TTC7A: variants seen among roughly 807,000 people sequenced by gnomAD.
TTC7A encodes tetratricopeptide repeat protein 7A.
A neutral mutation model predicts 103.7 loss-of-function variants in TTC7A; 110 were observed. That is an observed-to-expected ratio of 1.06 (90% confidence interval 0.91 to 1.24). The LOEUF (loss-of-function observed/expected upper bound fraction) is 1.24, where lower values mean the gene tolerates loss of function less well. Ranked by LOEUF, TTC7A falls within the 50% of genes most tolerant of loss-of-function variation. TTC7A has a pLI of 0.00. For missense variants in TTC7A, 1,340 were observed against 1,116.3 expected, an observed-to-expected ratio of 1.20 and a Z score of -2.86; for synonymous variants, 521 against 467.9, an observed-to-expected ratio of 1.11 and a Z score of -1.47.
chr2:46,982,291 C>T (rs1192278202), intron 5 of TTC7A, among the ~76,000 whole-genome samples: 1 of 152,004 alleles, frequency 6.6e-6, no homozygotes, highest in Admixed American at 6.6e-5. Flanking sequence ...GGAGGATCAT[C>T]TGAGCCTGGC....
At chr2:47,017,916 A>C (rs1558583053) in intron 11 of TTC7A, among the ~76,000 whole-genome samples, 3 of 139,536 alleles carry the variant, frequency 2.1e-5, no homozygotes. Flanking sequence ...TTAATTGTAT[A>C]ATACATATAC....
At chr2:47,011,277 C>A in intron 10 of TTC7A, 54 bp from the exon 11 acceptor site, 2 of 1,527,104 alleles carry the variant, frequency 1.3e-6, no homozygotes, top group South Asian at 1.2e-5. Flanking sequence ...CCACTGTGGG[C>A]CCTTGAGATC....
chr2:47,001,816 A>C (rs904278319), intron 8 of TTC7A, among the ~76,000 whole-genome samples: 1 of 148,458 alleles, frequency 6.7e-6, no homozygotes. Flanking sequence ...CCGAGACCAC[A>C]CCACTGCTCT....
chr2:47,034,666 G>C (rs1308985662), intron 15 of TTC7A, among the ~76,000 whole-genome samples: 2 of 152,174 alleles, frequency 1.3e-5, no homozygotes, highest in East Asian at 3.9e-4. Flanking sequence ...GGTTTTGAAA[G>C]CCCAGGCCAT....
intron 3 of TTC7A, among the ~76,000 whole-genome samples, chr2:46,967,883 C>T (rs182305444): frequency 2.6e-5 from 4 of 152,164 alleles, no homozygotes; most frequent in East Asian, 1.9e-4. Flanking sequence ...GGTTTCCCCC[C>T]GAGAGCTGAA....
intron 2 of TTC7A, among the ~76,000 whole-genome samples, chr2:46,956,265 T>C (rs1436077138): frequency 2.6e-5 from 4 of 152,148 alleles, no homozygotes; most frequent in Non-Finnish European, 5.9e-5. Flanking sequence ...CCATTTCTGA[T>C]AGGAAGAGGA....
chr2:46,934,811 T>TTTTTTC (rs1669890291), intron 2 of TTC7A, among the ~76,000 whole-genome samples: 1 of 132,402 alleles, frequency 7.6e-6, no homozygotes, highest in African/African-American at 2.9e-5. Flanking sequence ...TTTTTTTTTT[T>TTTTTTC]TTTTTTTTGA....
chr2:46,989,729 G>C (rs190860142), intron 5 of TTC7A, among the ~76,000 whole-genome samples: 136 of 152,080 alleles, frequency 8.9e-4, no homozygotes, highest in African/African-American at 3.2e-3. Context: ...TTACATGCTA[G>C]AGTAAAAAGA....
intron 4 of TTC7A, among the ~76,000 whole-genome samples, chr2:46,976,694 A>G (rs1209983666): frequency 2.0e-5 from 3 of 152,072 alleles, no homozygotes. Context: ...TGCCGTGTAT[A>G]TTATAGGATG....
At chr2:47,051,711 G>T in intron 17 of TTC7A, 35 bp from the exon 18 acceptor site, 1 of 1,588,844 alleles carries the variant, frequency 6.3e-7, no homozygotes, top group South Asian at 1.1e-5. Context: ...GTGGACCTCT[G>T]ACCACTGCTC....
chr2:46,943,266 A>C (rs1322802078), intron 1 of TTC7A, among the ~76,000 whole-genome samples: 1 of 152,140 alleles, frequency 6.6e-6, no homozygotes, highest in Non-Finnish European at 1.5e-5. Context: ...TATTGTCCCC[A>C]TTTTAGACAT....
At chr2:46,973,192 C>T (rs918392459) in intron 3 of TTC7A, among the ~76,000 whole-genome samples, 1 of 152,136 alleles carries the variant, frequency 6.6e-6, no homozygotes, top group Non-Finnish European at 1.5e-5. Context: ...AGAATGGAGC[C>T]CCTGAAATTA....
chr2:46,937,126 G>A (rs1670019294), upstream of TTC7A, among the ~76,000 whole-genome samples: 1 of 152,066 alleles, frequency 6.6e-6, no homozygotes, highest in Non-Finnish European at 1.5e-5. This position sits in a 1 kb window ranked among gnomAD's most constrained non-coding sequence, Gnocchi z 4.0. Context: ...AAAGTGCTAG[G>A]ATTACAGGAG....
chr2:46,939,735 CG>C (rs1459299781), upstream of TTC7A, among the ~76,000 whole-genome samples: 2 of 152,196 alleles, frequency 1.3e-5, no homozygotes, highest in Non-Finnish European at 2.9e-5. Flanking sequence ...AGTGTGTTCT[CG>C]GGTCACCCTA....
chr2:46,984,595 A>C (rs559695036), intron 5 of TTC7A, among the ~76,000 whole-genome samples: 77 of 152,240 alleles, frequency 5.1e-4, no homozygotes, highest in Non-Finnish European at 9.4e-4. Context: ...CCCACAACTG[A>C]ATTTTCTGCA....
chr2:46,931,582 T>C (rs916404831), intron 2 of TTC7A, among the ~76,000 whole-genome samples: 1 of 152,024 alleles, frequency 6.6e-6, no homozygotes, highest in Non-Finnish European at 1.5e-5. Flanking sequence ...TTTGAAGATG[T>C]AGAAAGGGGT....
At chr2:47,055,713 C>G (rs1177882465) in intron 18 of TTC7A, among the ~76,000 whole-genome samples, 1 of 152,124 alleles carries the variant, frequency 6.6e-6, no homozygotes, top group Non-Finnish European at 1.5e-5. Context: ...TTAGGGGAAG[C>G]TGGCCTGAGT....
chr2:47,029,059 G>T (rs983225513), intron 14 of TTC7A, among the ~76,000 whole-genome samples, 165 bp from the exon 15 acceptor site: 1 of 152,070 alleles, frequency 6.6e-6, no homozygotes, highest in African/African-American at 2.4e-5. Context: ...ACCCCTCCTC[G>T]CCAGGCCATC....
chr2:46,919,270 C>T (rs547396061), intron 2 of TTC7A, among the ~76,000 whole-genome samples: 10 of 152,350 alleles, frequency 6.6e-5, no homozygotes, highest in Admixed American at 3.3e-4. Flanking sequence ...TGTGGTGGCT[C>T]ACGCCTGTAA....
Sources: gnomAD v4.1 joint callset for allele counts (sites outside exome capture counted in the v4.1 genomes callset) on GRCh38, gnomAD v4.1.1 for gene constraint, Gnocchi (gnomAD v3.1) non-coding constraint, MANE v1.5 for transcripts, NCBI Gene and HGNC (gene_info 2026-07-23, HGNC 2026-07-21) for gene names.